Variants in ELF2 observed in about 807,000 individuals in gnomAD.
The protein encoded by ELF2 is ETS-related transcription factor Elf-2.
A neutral mutation model predicts 54.8 loss-of-function variants in ELF2; 11 were observed. The observed-to-expected ratio is 0.20, with a 90% CI of 0.13 to 0.33. The LOEUF (loss-of-function observed/expected upper bound fraction) is 0.33, where lower values mean the gene tolerates loss of function less well. ELF2 is among the 10% of genes least tolerant of loss of function. The probability of loss-of-function intolerance (pLI) is 1.00; values close to 1 mark genes in which losing one functional copy is unlikely to be tolerated. For synonymous variants in ELF2, 203 were observed against 245.1 expected, an observed-to-expected ratio of 0.83 and a Z score of 1.61; for missense variants, 513 against 703.0, an observed-to-expected ratio of 0.73 and a Z score of 3.06.
At chr4:139,129,323 C>T (rs1043363834) in intron 3 of ELF2, among the ~76,000 whole-genome samples, 2 of 152,196 alleles carry the variant, frequency 1.3e-5, no homozygotes, top group Non-Finnish European at 2.9e-5. Context: ...GTTCTATCCT[C>T]AGTGTCTCCT....
At chr4:139,128,587 T>C (rs1737180896) in intron 3 of ELF2, among the ~76,000 whole-genome samples, 2 of 151,184 alleles carry the variant, frequency 1.3e-5, no homozygotes, top group Non-Finnish European at 2.9e-5. Context: ...AGTGGCACAA[T>C]CATGGCTCAC....
At chr4:139,148,208 A>C (rs1037082723) in intron 1 of ELF2, among the ~76,000 whole-genome samples, 4 of 149,992 alleles carry the variant, frequency 2.7e-5, no homozygotes, top group South Asian at 2.1e-4. Flanking sequence ...GGGGGTGGGG[A>C]GACAAGGCTG....
At chr4:139,168,139 T>TG (rs1175651702) in intron 1 of ELF2, among the ~76,000 whole-genome samples, 1 of 152,186 alleles carries the variant, frequency 6.6e-6, no homozygotes. Flanking sequence ...AGTAAAGAAA[T>TG]GTCTGTGCTA....
intron 4 of ELF2, among the ~76,000 whole-genome samples, chr4:139,110,059 G>A (rs1385245676): frequency 4.6e-5 from 7 of 152,062 alleles, no homozygotes; most frequent in African/African-American, 1.4e-4. Flanking sequence ...GAAAAAGAAC[G>A]CTATTTTTTG....
chr4:139,144,699 G>A (rs1218413221), intron 1 of ELF2, among the ~76,000 whole-genome samples: 1 of 152,178 alleles, frequency 6.6e-6, no homozygotes, highest in African/African-American at 2.4e-5. Context: ...GGAGCTGGAT[G>A]AGACTTACTC....
At chr4:139,139,147 T>A (rs1738467553) in intron 2 of ELF2, among the ~76,000 whole-genome samples, 1 of 152,124 alleles carries the variant, frequency 6.6e-6, no homozygotes, top group South Asian at 2.1e-4. Context: ...GTTTGCCTGC[T>A]GGCAATATAC....
At chr4:139,172,405 C>G (rs1355558381) in intron 1 of ELF2, among the ~76,000 whole-genome samples, 1 of 152,188 alleles carries the variant, frequency 6.6e-6, no homozygotes, top group Non-Finnish European at 1.5e-5. Flanking sequence ...CCATGCCCCT[C>G]TGCCTCGGCC....
intron 4 of ELF2, among the ~76,000 whole-genome samples, chr4:139,121,398 A>G (rs887473512): frequency 4.2e-4 from 64 of 152,118 alleles, no homozygotes; most frequent in African/African-American, 1.1e-3. Flanking sequence ...GTGAACCACC[A>G]TGCCCAGCCT....
chr4:139,134,094 G>C (rs543301976), intron 3 of ELF2, among the ~76,000 whole-genome samples: 1 of 152,166 alleles, frequency 6.6e-6, no homozygotes, highest in South Asian at 2.1e-4. Context: ...GTTGGCTGTG[G>C]GTTTTTCACA....
chr4:139,154,371 C>T lies in ELF2; in HGVS notation c.-251-14874G>A, dbSNP rs1216803745. 1.6e-4 allele frequency among the ~76,000 whole-genome samples: 25 copies of T among 152,018 alleles called. 1 individual carries two copies. The stretch of plus-strand genomic sequence containing the variant: ...TTCTTTTCATTCTTTACATAAACTA[C>T]CTGACACACTATAAGCATTAAATGA... On this transcript the variant is annotated intron_variant, in intron 1 of 9. Transcript: ENST00000686138.
intron 4 of ELF2, among the ~76,000 whole-genome samples, chr4:139,087,469 TTTTG>T (rs1006382986): frequency 1.3e-5 from 2 of 152,136 alleles, no homozygotes; most frequent in African/African-American, 4.8e-5. Flanking sequence ...TTGTTTTTGT[TTTTG>T]TTTTTGTTTT....
intron 4 of ELF2, among the ~76,000 whole-genome samples, chr4:139,078,572 TTC>T (rs1028056878): frequency 1.4e-5 from 2 of 141,866 alleles, no homozygotes; most frequent in African/African-American, 5.4e-5. Context: ...AGAATGGCAA[TTC>T]TTTTTTTTTT....
intron 3 of ELF2, among the ~76,000 whole-genome samples, chr4:139,126,118 G>T (rs936801151): frequency 6.6e-6 from 1 of 152,038 alleles, no homozygotes; most frequent in African/African-American, 2.4e-5. Flanking sequence ...AGTAAGAACA[G>T]ATCACAATTC....
At chr4:139,126,590 G>A (rs1736944082) in intron 3 of ELF2, among the ~76,000 whole-genome samples, 1 of 152,040 alleles carries the variant, frequency 6.6e-6, no homozygotes. Flanking sequence ...GAAAACACAG[G>A]TTACTACAAA....
Position 139,130,239 on chromosome 4 carries a change from T to TA in ELF2, c.73-4911dup, listed in dbSNP as rs888327578. ...GCCCTCAAAAAAAAACAAACAACAATAAAAAAAAAATCTATCAACACCTTG... is the reference window on the plus strand; with the variant it reads ...GCCCTCAAAAAAAAACAAACAACAATAAAAAAAAAAATCTATCAACACCTTG... On this transcript the variant is annotated intron_variant, in intron 3 of 9. Coordinates refer to ENST00000686138, the MANE Select transcript of ELF2 (RefSeq NM_001331036.3). Among the ~76,000 whole-genome samples, 681 of 147,924 alleles carry TA rather than the reference T, an allele frequency of 4.6e-3. 6 individuals are homozygous for TA. Among genetic ancestry groups the TA allele is most frequent in the Non-Finnish European group, 5.5e-3 (367 of 66,644 alleles).
Position 139,173,019 on chromosome 4 carries a change from G to C in ELF2, c.-252+3948C>G, listed in dbSNP as rs150411496. On this transcript the variant is annotated intron_variant, in intron 1 of 9. Transcript: ENST00000686138. ...ACATTATGCTAAGTGAAAGAAGCCA[G>C]ATACAAAAGACTACATATTGTACAA... 4.3e-3 allele frequency among the ~76,000 whole-genome samples: 649 copies of C among 151,340 alleles called. 23 individuals carry two copies. The highest frequency in any genetic ancestry group is 0.035 in the Admixed American group (531 of 15,058).
At chr4:139,084,049 C>A (rs1731595250) in intron 4 of ELF2, 2 of 1,603,762 alleles carry the variant, frequency 1.2e-6, no homozygotes, top group Non-Finnish European at 1.7e-6. Context: ...CCAGCACAGA[C>A]TGCTACAGGG....
At chr4:139,075,453 C>T (rs1266849410) in intron 4 of ELF2, among the ~76,000 whole-genome samples, 1 of 152,106 alleles carries the variant, frequency 6.6e-6, no homozygotes, top group South Asian at 2.1e-4. Context: ...TTTTTTGAGA[C>T]GGAGTCTCGC....
intron 1 of ELF2, among the ~76,000 whole-genome samples, chr4:139,168,424 G>C (rs1741932461): frequency 6.6e-6 from 1 of 152,120 alleles, no homozygotes; most frequent in Admixed American, 6.6e-5. Flanking sequence ...GAATTATACT[G>C]ACCCAACAGA....
Sources: gnomAD v4.1 joint callset for allele counts (sites outside exome capture counted in the v4.1 genomes callset) on GRCh38, gnomAD v4.1.1 for gene constraint, MANE v1.5 for transcripts, NCBI Gene and HGNC (gene_info 2026-07-23, HGNC 2026-07-21) for gene names.